Variants in TMEM117 observed in about 807,000 individuals in gnomAD.
TMEM117 encodes transmembrane protein 117.
A neutral mutation model predicts 52.4 loss-of-function variants in TMEM117; 27 were observed. The observed-to-expected ratio is 0.51, with a 90% CI of 0.38 to 0.71. The LOEUF (loss-of-function observed/expected upper bound fraction) is 0.71. TMEM117 is among the 30% of genes least tolerant of loss of function. The pLI is 0.00. For missense variants in TMEM117, 556 were observed against 630.5 expected (o/e 0.88, Z 1.26); for synonymous variants, 215 against 206.3 (o/e 1.04, Z -0.36).
intron 5 of TMEM117, among the ~76,000 whole-genome samples, chr12:44,252,780 G>C (rs1488061018): frequency 6.6e-6 from 1 of 152,170 alleles, no homozygotes; most frequent in Non-Finnish European, 1.5e-5. Flanking sequence ...CCACAGGACT[G>C]TGAAAAGTAT....
At chr12:44,065,337 G>T (rs1023437419) in intron 3 of TMEM117, among the ~76,000 whole-genome samples, 6 of 151,454 alleles carry the variant, frequency 4.0e-5, no homozygotes, top group Admixed American at 1.3e-4. Context: ...GCAGTGAGCC[G>T]AGATCACACC....
At chr12:43,895,131 T>C (rs1035668844) in intron 2 of TMEM117, among the ~76,000 whole-genome samples, 2 of 152,166 alleles carry the variant, frequency 1.3e-5, no homozygotes, top group Non-Finnish European at 2.9e-5. Context: ...TTTTCCTGAT[T>C]CTCTTCCTCC....
intron 6 of TMEM117, among the ~76,000 whole-genome samples, chr12:44,368,481 T>C (rs1436770272): frequency 1.3e-5 from 2 of 152,204 alleles, no homozygotes; most frequent in East Asian, 3.9e-4. Context: ...ATTTTTATAC[T>C]GAATCACATT....
chr12:44,182,790 T>G (rs1949222416), intron 4 of TMEM117, among the ~76,000 whole-genome samples: 1 of 152,142 alleles, frequency 6.6e-6, no homozygotes, highest in African/African-American at 2.4e-5. Flanking sequence ...TTGTACTGAT[T>G]GGCAAAAGTG....
intron 3 of TMEM117, among the ~76,000 whole-genome samples, chr12:44,069,868 C>T (rs1481346404): frequency 6.6e-6 from 1 of 151,966 alleles, no homozygotes; most frequent in Non-Finnish European, 1.5e-5. Context: ...GGGATTCAGG[C>T]TCTTTTGTTG....
At chr12:43,916,002 A>G (rs1944596559) in intron 2 of TMEM117, among the ~76,000 whole-genome samples, 1 of 151,426 alleles carries the variant, frequency 6.6e-6, no homozygotes, top group African/African-American at 2.4e-5. Context: ...ATTATGGTAA[A>G]TAGTGGCAGG....
chr12:43,880,240 GTTTTC>G (rs1943872999), intron 2 of TMEM117, among the ~76,000 whole-genome samples: 2 of 152,188 alleles, frequency 1.3e-5, no homozygotes, highest in East Asian at 1.9e-4. Flanking sequence ...GTAAGGCATT[GTTTTC>G]TTTATCAGGG....
intron 2 of TMEM117, among the ~76,000 whole-genome samples, chr12:43,861,754 T>G (rs1943493438): frequency 6.6e-6 from 1 of 152,202 alleles, no homozygotes; most frequent in Admixed American, 6.5e-5. Context: ...GTGCCTTTTA[T>G]GTGGGAGGAT....
At chr12:44,280,698 A>G (rs753161166) in intron 5 of TMEM117, among the ~76,000 whole-genome samples, 31 of 151,836 alleles carry the variant, frequency 2.0e-4, no homozygotes, top group Non-Finnish European at 3.2e-4. Context: ...TGGTTGCTCA[A>G]AAAATGTTTC....
Position 43,888,548 on chromosome 12 carries a change from T to TC in TMEM117, c.277+43620_277+43621insC, listed in dbSNP as rs1345088238. ...CTTTTGTGCACATTAGTTTTCTTTT[T>TC]TTTTTTTTTTTTTTTTTGAGATGGA... On this transcript the variant is annotated intron_variant, in intron 2 of 7. Transcript: ENST00000266534. 2.2e-4 allele frequency among the ~76,000 whole-genome samples: 3 copies of TC among 13,870 alleles called. No homozygotes were observed. The Non-Finnish European group carries it at 2.7e-3, about 12-fold the overall frequency. 9.1% of individuals were successfully genotyped at this position (13,870 alleles called of 152,430 possible). A position where few individuals can be genotyped will look rare whatever the true frequency, so the allele number is the denominator to read the frequency against.
intron 3 of TMEM117, among the ~76,000 whole-genome samples, chr12:44,135,224 T>G (rs962857497): frequency 6.6e-6 from 1 of 152,202 alleles, no homozygotes; most frequent in Non-Finnish European, 1.5e-5. Context: ...CATCATTGTA[T>G]ATGTCTCCAT....
chr12:44,176,427 T>TA (rs1040279773), intron 4 of TMEM117, among the ~76,000 whole-genome samples: 3 of 152,216 alleles, frequency 2.0e-5, no homozygotes, highest in African/African-American at 7.2e-5. Flanking sequence ...AAGTCTTTGT[T>TA]AACTAGTAAT....
chr12:44,100,764 C>T (rs1947847494), intron 3 of TMEM117, among the ~76,000 whole-genome samples: 1 of 151,938 alleles, frequency 6.6e-6, no homozygotes, highest in African/African-American at 2.4e-5. Flanking sequence ...TTCTGCATCT[C>T]CAGTGCTTAA....
chr12:44,386,068 A>G (rs1330533859), intron 7 of TMEM117, among the ~76,000 whole-genome samples: 1 of 152,132 alleles, frequency 6.6e-6, no homozygotes, highest in Non-Finnish European at 1.5e-5. Flanking sequence ...TTTCCTGCAG[A>G]AAGTATCCTT....
chr12:43,845,020 G>A (rs1420724615), intron 2 of TMEM117, 92 bp downstream of exon 2: 1 of 1,463,204 alleles, frequency 6.8e-7, no homozygotes, highest in Non-Finnish European at 9.2e-7. Context: ...TGCCAATGTA[G>A]GAGGCATTTT....
chr12:44,331,226 G>A (rs1951266788), intron 6 of TMEM117, among the ~76,000 whole-genome samples: 1 of 150,304 alleles, frequency 6.7e-6, no homozygotes, highest in Admixed American at 6.6e-5. Context: ...TTTGTTGGCA[G>A]CAGGTGAGCC....
intron 3 of TMEM117, among the ~76,000 whole-genome samples, chr12:44,037,989 C>A (rs1946737635): frequency 6.6e-6 from 1 of 152,020 alleles, no homozygotes; most frequent in African/African-American, 2.4e-5. Context: ...GGATGCCCTG[C>A]CTGCAGATGG....
chr12:44,243,237 C>T (rs1950086185), intron 5 of TMEM117, among the ~76,000 whole-genome samples: 2 of 151,562 alleles, frequency 1.3e-5, no homozygotes, highest in African/African-American at 4.8e-5. Context: ...TTTTGAATCT[C>T]TCTTGTATTT....
At chr12:43,871,512 T>A (rs1943704842) in intron 2 of TMEM117, among the ~76,000 whole-genome samples, 1 of 152,212 alleles carries the variant, frequency 6.6e-6, no homozygotes, top group African/African-American at 2.4e-5. Flanking sequence ...TTTTCCTGTT[T>A]GCTGTCCATG....
Sources: allele counts gnomAD v4.1 joint callset (sites outside exome capture counted in the v4.1 genomes callset), GRCh38; gene constraint gnomAD v4.1.1; transcripts MANE v1.5; gene names NCBI Gene and HGNC (gene_info 2026-07-23, HGNC 2026-07-21).